Variants in ABCC10 observed in about 807,000 individuals in gnomAD.
ABCC10 encodes the protein ATP binding cassette subfamily C member 10, also known as ATP-binding cassette sub-family C member 10.
A neutral mutation model predicts 143.2 loss-of-function variants in ABCC10; 110 were observed. The ratio of observed to expected loss-of-function variants is 0.77; its 90% CI spans 0.66 to 0.90. The LOEUF is 0.90. ABCC10 is among the 40% of genes least tolerant of loss of function. ABCC10 has a pLI of 0.00. For synonymous variants in ABCC10, 805 were observed against 846.7 expected (o/e 0.95, Z 0.85); for missense variants, 1,700 against 1,900.5 (o/e 0.89, Z 1.96).
At position 43,450,408 on chromosome 6, in the gene ABCC10, AAAT is replaced by A; in HGVS notation, c.*322_*324del. 1.8e-6 allele frequency: 2 copies of A among 1,131,516 alleles called. No individual in the cohort carries two copies. Among genetic ancestry groups the A allele is most frequent in the Non-Finnish European group, 2.4e-6 (2 of 825,888 alleles). The allele number at this position is 1,131,516 out of a possible 1,614,324, so 70.1% of individuals were successfully genotyped here. On this transcript the variant is annotated 3_prime_UTR_variant, in exon 22 of 22. Transcript: ENST00000372530. This position sits in a 1 kb window ranked among gnomAD's most constrained non-coding sequence, Gnocchi z 4.5. The stretch of plus-strand genomic sequence containing the variant: ...CCATCTTACATTCTGTGTATTAAAA[AAAT>A]AATATTTCTGGTGTGAGGCTGAGGT...
chr6:43,438,517 C>T, intron 7 of ABCC10, 107 bp from the exon 8 acceptor site: 1 of 1,489,084 alleles, frequency 6.7e-7, no homozygotes, highest in Non-Finnish European at 8.9e-7. Flanking sequence ...GAAGGGGGAC[C>T]CTGTGTAGAA....
chr6:43,447,558 C>T lies in ABCC10; in HGVS notation c.3706-126C>T. 8 of 1,554,738 alleles carry T rather than the reference C, an allele frequency of 5.1e-6. 1 individual carries two copies. The East Asian group carries it at 1.8e-4, about 35-fold the overall frequency. The stretch of plus-strand genomic sequence containing the variant: ...ACAATTCTTCACCATGTCCCTTCTT[C>T]CCCATCTCTCATTCTCTCATTCCTC... On this transcript the variant is annotated intron_variant, in intron 17 of 21. Coordinates refer to ENST00000372530, the MANE Select transcript of ABCC10 (RefSeq NM_001198934.2).
chr6:43,430,077 G>C (rs1406598989), intron 2 of ABCC10, among the ~76,000 whole-genome samples: 2 of 150,278 alleles, frequency 1.3e-5, no homozygotes, highest in Non-Finnish European at 3.0e-5. Context: ...ACCATGCCCA[G>C]CCAGAAATAG....
At chr6:43,444,482 C>T (rs1782812244) in intron 12 of ABCC10, 129 bp downstream of exon 12, 8 of 1,233,518 alleles carry the variant, frequency 6.5e-6, no homozygotes, top group Admixed American at 5.7e-5. Flanking sequence ...AAAAGCCATA[C>T]TCCTAATTCT....
rs1161716679 is a variant in ABCC10 at position 43,434,146 on chromosome 6, CT to C, written c.1381-474del. On this transcript the variant is annotated intron_variant, in intron 3 of 21. Transcript: ENST00000372530. ...GCCCATTAGCCTGTTTGACCCTGGG[CT>C]GTAGTGTGGCCTCTTATGCCTGTGT... Among the ~76,000 whole-genome samples, 3 of 152,374 alleles carry C rather than the reference CT, an allele frequency of 2.0e-5. No individual in the cohort carries two copies. The East Asian group carries it at 5.8e-4, about 29-fold the overall frequency.
chr6:43,450,402 T>C lies in ABCC10; in HGVS notation c.*311T>C. ...AAAATTCCATCTTACATTCTGTGTA[T>C]TAAAAAAATAATATTTCTGGTGTGA... On this transcript the variant is annotated 3_prime_UTR_variant, in exon 22 of 22. Coordinates refer to ENST00000372530, the MANE Select transcript of ABCC10 (RefSeq NM_001198934.2). This position sits in a 1 kb window ranked among gnomAD's most constrained non-coding sequence, Gnocchi z 4.5. 1 of 1,092,994 alleles carries C rather than the reference T, an allele frequency of 9.1e-7. No homozygotes were observed. The highest frequency in any genetic ancestry group is 1.6e-5 in the African/African-American group (1 of 62,858). The allele number at this position is 1,092,994 out of a possible 1,614,324, so 67.7% of individuals were successfully genotyped here.
chr6:43,443,709 T>A lies in ABCC10; in HGVS notation c.2417-224T>A. On this transcript the variant is annotated intron_variant, in intron 10 of 21. Coordinates refer to ENST00000372530, the MANE Select transcript of ABCC10 (RefSeq NM_001198934.2). This position sits in a 1 kb window ranked among gnomAD's most constrained non-coding sequence, Gnocchi z 4.2. ...CCTCTCTGCTGGTCGGAATCAAGGTTTACAAGGATGGACTTGAGTCCTGCT... is the reference window on the plus strand; with the variant it reads ...CCTCTCTGCTGGTCGGAATCAAGGTATACAAGGATGGACTTGAGTCCTGCT... 2 of 530,274 alleles carry A rather than the reference T, an allele frequency of 3.8e-6. No homozygotes were observed. Among genetic ancestry groups the A allele is most frequent in the Non-Finnish European group, 6.8e-6 (2 of 293,412 alleles). The allele number at this position is 530,274 out of a possible 1,614,324, so 32.8% of individuals were successfully genotyped here.
chr6:43,428,071 G>C lies in ABCC10; in HGVS notation c.93G>C (p.Gln31His), dbSNP rs1476513523. Residue 31 changes from glutamine (Q) to histidine (H), a missense_variant, in exon 2 of 22, where the codon CAG becomes CAC. Physicochemically the swap from Gln to His is conservative, Grantham distance 24. Transcript: ENST00000372530. ...ACACCACAGGCCACTGCTTCACCCA[G>C]CTGGTGCTCAGCGCCCTGCCCCACG... ...EGDTTGHCFTQLVLSALPHAL... is the reference protein window; with the variant it reads ...EGDTTGHCFTHLVLSALPHAL... 6.3e-7 allele frequency: 1 copy of C among 1,579,052 alleles called. No homozygotes were observed. Among genetic ancestry groups the C allele is most frequent in the Admixed American group, 1.8e-5 (1 of 54,290 alleles).
At chr6:43,446,160 A>G in intron 15 of ABCC10, 117 bp from the exon 16 acceptor site, 1 of 1,318,840 alleles carries the variant, frequency 7.6e-7, no homozygotes, top group Non-Finnish European at 1.0e-6. Context: ...GCCTGTGGGT[A>G]TACAGACCAG....
At chr6:43,444,982 G>A (rs1329622422) in intron 13 of ABCC10, 44 bp downstream of exon 13, 1 of 1,587,646 alleles carries the variant, frequency 6.3e-7, no homozygotes, top group African/African-American at 1.3e-5. Context: ...TCTCAGAGTG[G>A]TCGCCAGGCA....
At position 43,447,177 on chromosome 6, in the gene ABCC10, C is replaced by T. The variant is rs370995134; in HGVS notation, c.3545-71C>T. 5.0e-4 allele frequency: 761 copies of T among 1,534,988 alleles called. 1 individual carries two copies. Among genetic ancestry groups the T allele is most frequent in the Non-Finnish European group, 6.4e-4 (732 of 1,135,502 alleles). On this transcript the variant is annotated intron_variant, in intron 16 of 21. Coordinates refer to ENST00000372530, the MANE Select transcript of ABCC10 (RefSeq NM_001198934.2). ...GCTTCCTTTAAATGCCAGCAGTCCA[C>T]AGCCTGGGGAGTCTCCCACAAACGT...
intron 6 of ABCC10, 52 bp downstream of exon 6, chr6:43,436,299 G>A: frequency 6.3e-7 from 1 of 1,584,212 alleles, no homozygotes; most frequent in Non-Finnish European, 8.6e-7. Flanking sequence ...AGAGAGATGG[G>A]AACTCATGTC....
At position 43,450,263 on chromosome 6, in the gene ABCC10, G is replaced by A; in HGVS notation, c.*172G>A. On this transcript the variant is annotated 3_prime_UTR_variant, in exon 22 of 22. Transcript: ENST00000372530. This position sits in a 1 kb window ranked among gnomAD's most constrained non-coding sequence, Gnocchi z 4.5. The stretch of plus-strand genomic sequence containing the variant: ...TTTGGAAATCACTCCTTGGTGGGCA[G>A]CATCCTGAGGCTTCCCCAGAACCAG... 1 of 908,714 alleles carries A rather than the reference G, an allele frequency of 1.1e-6. No homozygotes were observed. 56.3% of individuals were successfully genotyped at this position (908,714 alleles called of 1,614,324 possible).
chr6:43,434,035 T>A (rs754554342), intron 3 of ABCC10, among the ~76,000 whole-genome samples: 4 of 152,104 alleles, frequency 2.6e-5, no homozygotes, highest in Non-Finnish European at 5.9e-5. Context: ...GGAAGGGAGG[T>A]TGATAGATGG....
rs1782681259 is a variant in ABCC10 at position 43,443,262 on chromosome 6, A to G, written c.2416+103A>G. ...CCCTGCTGCATGTGTGCCCTGAGCC[A>G]GTCATTGCTGCCTCCCGCCTTCACA... On this transcript the variant is annotated intron_variant, in intron 10 of 21. Coordinates refer to ENST00000372530, the MANE Select transcript of ABCC10 (RefSeq NM_001198934.2). This position sits in a 1 kb window ranked among gnomAD's most constrained non-coding sequence, Gnocchi z 4.2. 13 of 1,222,902 alleles carry G rather than the reference A, an allele frequency of 1.1e-5. No homozygotes were observed. Among genetic ancestry groups the G allele is most frequent in the Non-Finnish European group, 1.4e-5 (13 of 914,644 alleles). 75.8% of individuals were successfully genotyped at this position (1,222,902 alleles called of 1,614,324 possible).
At position 43,429,342 on chromosome 6, in the gene ABCC10, CTTCTTTCTTTTCT is replaced by C. The variant is rs1320287943; in HGVS notation, c.161+1222_161+1234del. ...GAAATATATATATTTTTTTCTTTTC[CTTCTTTCTTTTCT>C]TTCTTTCTTTTCTTTCTTGTGTGTG... On this transcript the variant is annotated intron_variant, in intron 2 of 21. Coordinates refer to ENST00000372530, the MANE Select transcript of ABCC10 (RefSeq NM_001198934.2). Among the ~76,000 whole-genome samples the C allele has an allele frequency of 1.5e-3, 133 of 90,946 alleles. 2 individuals carry two copies. The highest frequency in any genetic ancestry group is 4.7e-3 in the African/African-American group (103 of 21,918). The allele number at this position is 90,946 out of a possible 152,430, so 59.7% of individuals were successfully genotyped here.
At position 43,438,656 on chromosome 6, in the gene ABCC10, C is replaced by G. The variant is rs1446325263; in HGVS notation, c.1988C>G (p.Ser663Cys). 3.7e-6 allele frequency: 6 copies of G among 1,614,140 alleles called. No homozygotes were observed. The highest frequency in any genetic ancestry group is 1.6e-4 in the Middle Eastern group (1 of 6,062). The change falls in exon 8 of 22, where the codon TCC (serine) becomes TGC (cysteine). Residue 663 changes from serine (S) to cysteine (C), a missense_variant. Coordinates refer to ENST00000372530, the MANE Select transcript of ABCC10 (RefSeq NM_001198934.2). Reference protein sequence around the residue: ...LRGHVAVRGLSKGFGLATQEP... With the variant: ...LRGHVAVRGLCKGFGLATQEP... ...GGGCATGTGGCAGTGCGGGGGCTGT[C>G]CAAGGGCTTTGGCCTGGCCACCCAG...
intron 8 of ABCC10, 130 bp downstream of exon 8, chr6:43,438,925 C>T (rs756506926): frequency 4.0e-5 from 45 of 1,129,124 alleles, no homozygotes; most frequent in Non-Finnish European, 5.2e-5. Flanking sequence ...GAATGGCCAT[C>T]GGACTGTGGT....
chr6:43,433,134 G>A lies in ABCC10; in HGVS notation c.1154G>A (p.Gly385Asp), dbSNP rs1390763425. ...ACTGGGGAGGCCCTGAACCTACTAGGCACTGACTCTGAACGGCTGCTTAAC... is the reference window on the plus strand; with the variant it reads ...ACTGGGGAGGCCCTGAACCTACTAGACACTGACTCTGAACGGCTGCTTAAC... ...PPTGEALNLLGTDSERLLNFA... is the reference protein window; with the variant it reads ...PPTGEALNLLDTDSERLLNFA... Residue 385 changes from glycine to aspartate, a missense_variant, in exon 3 of 22, where the codon GGC (glycine) becomes GAC (aspartate). Transcript: ENST00000372530. 1.2e-6 allele frequency: 2 copies of A among 1,614,128 alleles called. No individual in the cohort carries two copies. Among genetic ancestry groups the A allele is most frequent in the South Asian group, 1.1e-5 (1 of 91,092 alleles).
Sources: gnomAD v4.1 joint callset for allele counts (sites outside exome capture counted in the v4.1 genomes callset) on GRCh38, gnomAD v4.1.1 for gene constraint, Gnocchi (gnomAD v3.1) non-coding constraint, MANE v1.5 for transcripts, NCBI Gene and HGNC (gene_info 2026-07-23, HGNC 2026-07-21) for gene names.